Variants in PEPD observed in about 807,000 individuals in gnomAD.
PEPD encodes the protein peptidase D, also known as xaa-Pro dipeptidase.
In PEPD, 53 loss-of-function variants were observed where a neutral mutation model predicts 60.7. That is an observed-to-expected ratio of 0.87 (90% CI 0.70 to 1.10). The LOEUF (loss-of-function observed/expected upper bound fraction) is 1.10, where lower values mean the gene tolerates loss of function less well. Among genes scored for constraint, PEPD ranks in the 50% least tolerant of loss-of-function variants. The probability of loss-of-function intolerance (pLI) is 0.00; values close to 1 mark genes in which losing one functional copy is unlikely to be tolerated. For synonymous variants in PEPD, 267 were observed against 284.1 expected (o/e 0.94, Z 0.60); for missense variants, 711 against 711.9 (o/e 1.00, Z 0.01).
At chr19:33,396,943 G>A (rs993577495) in intron 12 of PEPD, among the ~76,000 whole-genome samples, 7 of 152,132 alleles carry the variant, frequency 4.6e-5, no homozygotes. Flanking sequence ...TGCCGGGCTC[G>A]CCCATCCGTC....
At chr19:33,459,490 C>T (rs527318437) in intron 9 of PEPD, among the ~76,000 whole-genome samples, 6 of 152,222 alleles carry the variant, frequency 3.9e-5, no homozygotes, top group African/African-American at 7.2e-5. Context: ...TAATAGGAGG[C>T]GGAAAAACGG....
intron 6 of PEPD, among the ~76,000 whole-genome samples, chr19:33,478,341 C>G (rs10425020): frequency 0.011 from 1,643 of 152,280 alleles, 38 homozygotes; most frequent in African/African-American, 0.038. Context: ...CTGATCCCCA[C>G]TAGGCAGACA....
intron 1 of PEPD, among the ~76,000 whole-genome samples, chr19:33,513,215 A>G (rs1239331630): frequency 6.6e-6 from 1 of 152,036 alleles, no homozygotes; most frequent in Non-Finnish European, 1.5e-5. Context: ...CCTCCCTGCT[A>G]GAGGCCAGCT....
intron 3 of PEPD, among the ~76,000 whole-genome samples, chr19:33,505,647 A>AAACACAC (rs571675478): frequency 6.6e-6 from 1 of 151,764 alleles, no homozygotes; most frequent in Non-Finnish European, 1.5e-5. Flanking sequence ...GAGCTGGGAA[A>AAACACAC]AACACACAAC....
intron 6 of PEPD, among the ~76,000 whole-genome samples, chr19:33,487,714 G>A (rs1241697224): frequency 6.6e-6 from 1 of 152,076 alleles, no homozygotes; most frequent in Non-Finnish European, 1.5e-5. Context: ...CTGGGGAGAT[G>A]GTGCAAAAGT....
At chr19:33,444,249 C>T (rs1201191602) in intron 9 of PEPD, among the ~76,000 whole-genome samples, 2 of 125,712 alleles carry the variant, frequency 1.6e-5, no homozygotes, top group Non-Finnish European at 3.6e-5. Context: ...AAGGCTGGGA[C>T]ATGGAACCCA....
intron 12 of PEPD, among the ~76,000 whole-genome samples, chr19:33,393,572 C>T (rs1024986386): frequency 1.4e-5 from 2 of 148,080 alleles, no homozygotes; most frequent in African/African-American, 5.3e-5. Flanking sequence ...CAAACAGCCA[C>T]AAGGCAGGCC....
intron 9 of PEPD, among the ~76,000 whole-genome samples, chr19:33,459,295 A>C (rs1364387149): frequency 6.6e-6 from 1 of 152,190 alleles, no homozygotes; most frequent in African/African-American, 2.4e-5. Flanking sequence ...GAGAAAGAGC[A>C]TAATTTCAAT....
rs79640805 is a variant in PEPD, at chr19:33,479,399, G to A, written c.504-1309C>T. Among the ~76,000 whole-genome samples, 31 of 152,076 alleles carry A rather than the reference G, an allele frequency of 2.0e-4. No homozygotes were observed. In the East Asian group the frequency reaches 3.9e-3, roughly 19 times the overall value. The stretch of plus-strand genomic sequence containing the variant: ...CTCCAATTACAAGGCAAGGATTGGC[G>A]AATGAATTCTTTTTTTTTTTTTAAT... On this transcript the variant is annotated intron_variant, in intron 6 of 14. Transcript: ENST00000244137.
intron 6 of PEPD, among the ~76,000 whole-genome samples, chr19:33,489,448 G>GT (rs1970456143): frequency 6.6e-6 from 1 of 152,118 alleles, no homozygotes. Flanking sequence ...GGCCAACATG[G>GT]CAAAACCCCA....
rs1568444969 is a variant in PEPD, at chr19:33,391,276, C to T, written c.1152+19G>A. ...GCAGCTGATGGGCAGGCCACTCCGC[C>T]TGCCATGTCCACACTGACCTCTGGG... is the stretch of plus-strand genomic sequence containing the variant. On this transcript the variant is annotated intron_variant, in intron 13 of 14. Transcript: ENST00000244137. 1 of 1,603,330 alleles carries T rather than the reference C, an allele frequency of 6.2e-7. No individual in the cohort carries two copies. Among genetic ancestry groups the T allele is most frequent in the Non-Finnish European group, 8.5e-7 (1 of 1,173,638 alleles).
At chr19:33,453,521 A>G (rs1238039149) in intron 9 of PEPD, among the ~76,000 whole-genome samples, 1 of 152,136 alleles carries the variant, frequency 6.6e-6, no homozygotes, top group Non-Finnish European at 1.5e-5. Flanking sequence ...GCATGTGTTC[A>G]CTTTGTGTGT....
intron 12 of PEPD, among the ~76,000 whole-genome samples, chr19:33,401,148 C>T (rs1968480179): frequency 6.6e-6 from 1 of 152,232 alleles, no homozygotes; most frequent in Admixed American, 6.5e-5. Context: ...ACACCAGGCC[C>T]ATCCTGGCCT....
At chr19:33,491,863 T>C (rs2145319898) in intron 5 of PEPD, among the ~76,000 whole-genome samples, 1 of 152,278 alleles carries the variant, frequency 6.6e-6, no homozygotes, top group East Asian at 1.9e-4. Flanking sequence ...TAGGTTAAAT[T>C]GTGGGAGCTA....
chr19:33,481,662 C>A (rs537532576), intron 6 of PEPD, among the ~76,000 whole-genome samples: 1 of 152,086 alleles, frequency 6.6e-6, no homozygotes, highest in African/African-American at 2.4e-5. Context: ...AAGCCCAGGA[C>A]CAAATGTCTT....
chr19:33,405,130 C>T (rs992272688), intron 11 of PEPD, among the ~76,000 whole-genome samples: 1 of 152,194 alleles, frequency 6.6e-6, no homozygotes, highest in Non-Finnish European at 1.5e-5. Context: ...GCGTCTCACT[C>T]CCCACATGTG....
At position 33,413,585 on chromosome 19, in the gene PEPD, T is replaced by A. The variant is rs1229763975; in HGVS notation, c.730A>T (p.Ile244Phe). The A allele has an allele frequency of 1.9e-6, 3 of 1,574,076 alleles. No individual in the cohort carries two copies. The highest frequency in any genetic ancestry group is 1.7e-6 in the Non-Finnish European group (2 of 1,157,394). ...GGMRHSSYTC[I>F]CGSGENSAVL... ...GGGTGCCCCGCTTACCTGCCGCAGA[T>A]GCAGGTGTAGGAGCTGTGGCGCATG... The change falls in exon 10 of 15, where the codon ATC becomes TTC. Residue 244 changes from isoleucine to phenylalanine, a missense_variant. Ile to Phe is a conservative substitution (Grantham distance 21). Coordinates refer to ENST00000244137, the MANE Select transcript of PEPD (RefSeq NM_000285.4).
chr19:33,439,414 G>C (rs1042494105), intron 9 of PEPD, among the ~76,000 whole-genome samples: 6 of 152,232 alleles, frequency 3.9e-5, no homozygotes, highest in Non-Finnish European at 5.9e-5. Context: ...CCAGACCTCA[G>C]GCATAGGCGG....
chr19:33,403,858 A>G (rs1439005992), intron 11 of PEPD, among the ~76,000 whole-genome samples: 1 of 152,228 alleles, frequency 6.6e-6, no homozygotes, highest in Admixed American at 6.5e-5. Context: ...CCCCGCCTGC[A>G]TGACAGGGAG....
Sources: gnomAD v4.1 joint callset for allele counts (sites outside exome capture counted in the v4.1 genomes callset) on GRCh38, gnomAD v4.1.1 for gene constraint, MANE v1.5 for transcripts, NCBI Gene and HGNC (gene_info 2026-07-23, HGNC 2026-07-21) for gene names.